The following C10orf143 variants were observed in gnomAD, a reference collection of about 807,000 sequenced individuals.
C10orf143 encodes uncharacterized protein C10orf143.
chr10:130,065,498 C>T lies in C10orf143; in HGVS notation c.298-1115G>A, dbSNP rs1439596994. The T allele has an allele frequency of 1.3e-5, 2 of 152,934 alleles. No individual in the cohort carries two copies. Among genetic ancestry groups the T allele is most frequent in the African/African-American group, 4.8e-5 (2 of 41,404 alleles). 9.5% of individuals were successfully genotyped at this position (152,934 alleles called of 1,614,324 possible). On this transcript the variant is annotated intron_variant, in intron 3 of 3. Coordinates refer to ENST00000637128, the MANE Select transcript of C10orf143 (RefSeq NM_001355042.2). The surrounding 1 kb of genome is among the most constrained non-coding windows in gnomAD (Gnocchi z 4.2). ...GAAGCTGTGGCGGCTGGAGCAGGGG[C>T]TTGTGGCGCACATGGCAGGGATGGG...
At chr10:130,068,376 C>T (rs1333321358) in intron 3 of C10orf143, 1 of 152,244 alleles carries the variant, frequency 6.6e-6, no homozygotes, top group Non-Finnish European at 1.5e-5. Flanking sequence ...CTTTGGGAGG[C>T]CGAGGTGGGT....
At chr10:130,040,973 G>A (rs987746080) in intron 3 of C10orf143, among the ~76,000 whole-genome samples, 1 of 152,296 alleles carries the variant, frequency 6.6e-6, no homozygotes, top group Non-Finnish European at 1.5e-5. Flanking sequence ...GCATGGGAAG[G>A]GACACTGGAT....
At chr10:130,088,244 C>A (rs751106862) in intron 1 of C10orf143, among the ~76,000 whole-genome samples, 1 of 151,932 alleles carries the variant, frequency 6.6e-6, no homozygotes. Context: ...ATTAGCCAGG[C>A]GTGGTGGCAC....
chr10:130,076,243 C>A (rs1861115652), intron 3 of C10orf143, among the ~76,000 whole-genome samples: 1 of 152,104 alleles, frequency 6.6e-6, no homozygotes, highest in African/African-American at 2.4e-5. Context: ...CCCAGAGGGA[C>A]TACTCTGCAG....
intron 3 of C10orf143, among the ~76,000 whole-genome samples, chr10:130,049,351 T>C (rs1860711832): frequency 6.6e-6 from 1 of 152,204 alleles, no homozygotes; most frequent in Non-Finnish European, 1.5e-5. Context: ...CACCCTGTTG[T>C]GTTGTGACTC....
chr10:130,073,620 T>TG lies in C10orf143; in HGVS notation c.297+5945_297+5946insC, dbSNP rs1861068522. On this transcript the variant is annotated intron_variant, in intron 3 of 3. Transcript: ENST00000637128. ...CGCCTATTACGTGATCAGCTGTGTG[T>TG]TTTTTTTTTATCAGAGTCTACCTTG... is the stretch of plus-strand genomic sequence containing the variant. Among the ~76,000 whole-genome samples, 5 of 106,848 alleles carry TG rather than the reference T, an allele frequency of 4.7e-5. No homozygotes were observed. In the South Asian group the frequency reaches 1.5e-3, roughly 32 times the overall value. The allele number at this position is 106,848 out of a possible 152,430, so 70.1% of individuals were successfully genotyped here.
At chr10:130,053,866 G>A (rs1046752354) in intron 3 of C10orf143, among the ~76,000 whole-genome samples, 1 of 152,216 alleles carries the variant, frequency 6.6e-6, no homozygotes, top group Non-Finnish European at 1.5e-5. Context: ...CTGGGAGAGT[G>A]GGGGAAGGCC....
At chr10:130,108,559 T>C in intron 1 of C10orf143, 1 of 603,878 alleles carries the variant, frequency 1.7e-6, no homozygotes, top group South Asian at 2.0e-5. Flanking sequence ...TTAATGGAAT[T>C]ATAATTCTTA....
chr10:130,050,013 GTT>G (rs1424549543), intron 3 of C10orf143, among the ~76,000 whole-genome samples: 1 of 152,212 alleles, frequency 6.6e-6, no homozygotes, highest in Non-Finnish European at 1.5e-5. Flanking sequence ...AGTGTTCTGT[GTT>G]TTCAGGGCCT....
In C10orf143 at chr10:130,070,414, T is replaced by C. The variant is rs147806142; in HGVS notation, c.298-6031A>G. On this transcript the variant is annotated intron_variant, in intron 3 of 3. Coordinates refer to ENST00000637128, the MANE Select transcript of C10orf143 (RefSeq NM_001355042.2). ...GCATTCCAAGCTCTTCTGGCATCTA[T>C]TGCTACTAATGAGAGATCTGTTGTC... Among the ~76,000 whole-genome samples, 24 of 152,326 alleles carry C rather than the reference T, an allele frequency of 1.6e-4. No homozygotes were observed. The East Asian group carries it at 4.6e-3, about 29-fold the overall frequency.
chr10:130,043,891 T>C (rs1190837414), intron 3 of C10orf143, among the ~76,000 whole-genome samples: 3 of 152,142 alleles, frequency 2.0e-5, no homozygotes, highest in East Asian at 1.9e-4. Context: ...CTCGTCATGA[T>C]GGGAGGCTTT....
At chr10:130,069,089 C>T (rs1319971527) in intron 3 of C10orf143, among the ~76,000 whole-genome samples, 1 of 152,190 alleles carries the variant, frequency 6.6e-6, no homozygotes, top group Non-Finnish European at 1.5e-5. Flanking sequence ...AAGGGATCCA[C>T]ACCTAAACAC....
chr10:130,042,787 G>A (rs1860622419), intron 3 of C10orf143, among the ~76,000 whole-genome samples: 1 of 152,252 alleles, frequency 6.6e-6, no homozygotes, highest in South Asian at 2.1e-4. Context: ...AACACAAGTA[G>A]GGAAAGCAAC....
intron 1 of C10orf143, chr10:130,107,035 A>C: frequency 2.9e-6 from 4 of 1,373,944 alleles, no homozygotes; most frequent in Non-Finnish European, 4.2e-6. Context: ...TAGAAGGAGA[A>C]AGAAACCAAA....
At chr10:130,045,316 C>G (rs1429133086) in intron 3 of C10orf143, among the ~76,000 whole-genome samples, 1 of 152,252 alleles carries the variant, frequency 6.6e-6, no homozygotes, top group Non-Finnish European at 1.5e-5. Flanking sequence ...TCCTGAAATG[C>G]ATTTCCTTCC....
chr10:130,073,259 G>A (rs976289220), intron 3 of C10orf143, among the ~76,000 whole-genome samples: 1 of 152,130 alleles, frequency 6.6e-6, no homozygotes, highest in Admixed American at 6.5e-5. Flanking sequence ...GACTTCAATG[G>A]GCTGCAACTG....
At chr10:130,073,045 T>C (rs1480458653) in intron 3 of C10orf143, among the ~76,000 whole-genome samples, 1 of 152,222 alleles carries the variant, frequency 6.6e-6, no homozygotes, top group African/African-American at 2.4e-5. Context: ...TCTTCAATTA[T>C]TTCAGATTGT....
chr10:130,054,130 G>T (rs1450101857), intron 3 of C10orf143, among the ~76,000 whole-genome samples: 3 of 152,304 alleles, frequency 2.0e-5, no homozygotes, highest in East Asian at 3.9e-4. Context: ...GGGAACCCAT[G>T]CATCTGCCAT....
chr10:130,103,008 T>A (rs1749337), intron 1 of C10orf143, among the ~76,000 whole-genome samples: 95,469 of 150,484 alleles, frequency 0.63, 30,568 homozygotes, highest in Admixed American at 0.72. Flanking sequence ...TGTGTTTCGC[T>A]CTTGTTGCCA....
Sources: allele counts gnomAD v4.1 joint callset (sites outside exome capture counted in the v4.1 genomes callset), GRCh38; gene constraint gnomAD v4.1.1; non-coding constraint Gnocchi (gnomAD v3.1); transcripts MANE v1.5; gene names NCBI Gene and HGNC (gene_info 2026-07-23, HGNC 2026-07-21).